MED12L: variants seen among roughly 807,000 people sequenced by gnomAD.
The protein encoded by MED12L is mediator of RNA polymerase II transcription subunit 12-like protein.
A neutral mutation model predicts 281.3 loss-of-function variants in MED12L; 60 were observed. The observed-to-expected ratio is 0.21, with a 90% CI of 0.17 to 0.26. The LOEUF is 0.26. Among genes scored for constraint, MED12L ranks in the 10% least tolerant of loss-of-function variants. MED12L has a pLI of 1.00. For missense variants in MED12L, 2,146 were observed against 2,680.9 expected (o/e 0.80, Z 4.41); for synonymous variants, 974 against 987.2 (o/e 0.99, Z 0.25).
Position 151,383,771 on chromosome 3 carries a change from T to C in MED12L, c.4681-8T>C. Reference sequence around the variant, plus strand: ...AATGCAAATATCTTACTGTATTTTGTCTGCTAGGTAGGAGGAATGTTTGAC... The same window carrying C: ...AATGCAAATATCTTACTGTATTTTGCCTGCTAGGTAGGAGGAATGTTTGAC... On this transcript the variant is annotated splice_polypyrimidine_tract_variant and splice_region_variant and intron_variant, in intron 33 of 44. Transcript: ENST00000687756. 1 of 1,589,956 alleles carries C rather than the reference T, an allele frequency of 6.3e-7. No homozygotes were observed. Among genetic ancestry groups the C allele is most frequent in the Non-Finnish European group, 8.6e-7 (1 of 1,161,464 alleles).
At chr3:151,380,271 C>T (rs1304519737) in intron 32 of MED12L, 47 bp downstream of exon 32, 2 of 1,283,598 alleles carry the variant, frequency 1.6e-6, no homozygotes, top group Middle Eastern at 1.8e-4. Flanking sequence ...TTTCTAACGG[C>T]ATTCATTTAT....
intron 16 of MED12L, among the ~76,000 whole-genome samples, chr3:151,243,082 A>C (rs1266563298): frequency 1.3e-5 from 2 of 151,140 alleles, no homozygotes; most frequent in African/African-American, 4.9e-5. Context: ...AATAAAAAGA[A>C]ATGAGCAAAG....
At chr3:151,121,476 C>G (rs1258990813) in intron 3 of MED12L, among the ~76,000 whole-genome samples, 1 of 152,170 alleles carries the variant, frequency 6.6e-6, no homozygotes, top group African/African-American at 2.4e-5. Flanking sequence ...GTGTTTCAAC[C>G]TATAGACTAA....
intron 16 of MED12L, among the ~76,000 whole-genome samples, chr3:151,267,586 A>AT (rs1465945046): frequency 6.6e-6 from 1 of 152,172 alleles, no homozygotes; most frequent in Non-Finnish European, 1.5e-5. Context: ...AATTTAAAAC[A>AT]TTTTTTTAAA....
chr3:151,237,728 C>T (rs1733204770), intron 16 of MED12L, among the ~76,000 whole-genome samples: 1 of 152,100 alleles, frequency 6.6e-6, no homozygotes, highest in African/African-American at 2.4e-5. Flanking sequence ...GATATCAGTC[C>T]TCTCTGACGT....
At chr3:151,164,398 T>C (rs1474731240) in intron 9 of MED12L, among the ~76,000 whole-genome samples, 1 of 152,176 alleles carries the variant, frequency 6.6e-6, no homozygotes, top group Admixed American at 6.5e-5. Flanking sequence ...CAAAGCCTTA[T>C]GTGACTTGAA....
chr3:151,194,053 C>T lies in MED12L; in HGVS notation c.2250+387C>T, dbSNP rs549964958. Reference sequence around the variant, plus strand: ...CGATCTTGACTCACCACAACCTCTGCCTCCCAGGTTCAAGTGATTCTTTTG... The same window carrying T: ...CGATCTTGACTCACCACAACCTCTGTCTCCCAGGTTCAAGTGATTCTTTTG... On this transcript the variant is annotated intron_variant, in intron 16 of 44. Coordinates refer to ENST00000687756, the MANE Select transcript of MED12L (RefSeq NM_001393769.1). 1.0e-4 allele frequency among the ~76,000 whole-genome samples: 15 copies of T among 149,236 alleles called. No individual in the cohort carries two copies. The South Asian group carries it at 3.2e-3, about 32-fold the overall frequency.
intron 16 of MED12L, 53 bp downstream of exon 16, chr3:151,193,719 A>T (rs772151447): frequency 6.9e-7 from 1 of 1,443,970 alleles, no homozygotes; most frequent in South Asian, 1.2e-5. Flanking sequence ...TATAAGATCA[A>T]TAACTGTTGA....
chr3:151,182,871 T>C (rs553630359), intron 11 of MED12L, among the ~76,000 whole-genome samples: 3 of 152,050 alleles, frequency 2.0e-5, no homozygotes, highest in East Asian at 3.9e-4. Context: ...GAGGCATGGG[T>C]TTAGCTTGCC....
At chr3:151,300,088 A>G (rs751488813) in intron 16 of MED12L, 2 of 1,608,406 alleles carry the variant, frequency 1.2e-6, no homozygotes, top group South Asian at 2.2e-5. Context: ...GCAAGCGTCA[A>G]GTTGAACCCC....
intron 16 of MED12L, among the ~76,000 whole-genome samples, chr3:151,256,271 G>C (rs891478495): frequency 6.6e-6 from 1 of 152,154 alleles, no homozygotes; most frequent in Admixed American, 6.6e-5. Flanking sequence ...CAGTACCCTG[G>C]TAAACTCAAA....
At chr3:151,115,274 A>G (rs1445622642) in intron 2 of MED12L, among the ~76,000 whole-genome samples, 1 of 147,478 alleles carries the variant, frequency 6.8e-6, no homozygotes, top group Non-Finnish European at 1.5e-5. Flanking sequence ...AGGTGTGTGC[A>G]TAGGGGTTGG....
intron 16 of MED12L, among the ~76,000 whole-genome samples, chr3:151,283,689 A>G (rs1743104523): frequency 6.6e-6 from 1 of 152,194 alleles, no homozygotes; most frequent in Admixed American, 6.5e-5. Context: ...AGTATTTGTT[A>G]ATTGAATATC....
In MED12L at chr3:151,127,966, G is replaced by A. The variant is rs770191959; in HGVS notation, c.538G>A (p.Ala180Thr). Residue 180 changes from alanine to threonine, a missense_variant, in exon 5 of 45, where the codon GCT becomes ACT. Coordinates refer to ENST00000687756, the MANE Select transcript of MED12L (RefSeq NM_001393769.1). ...TGAAGCTAAAATTAAGAAACGTCAG[G>A]CTCCTGATCCGAATTTGGGTAAGTG... is the stretch of plus-strand genomic sequence containing the variant. ...ISEAKIKKRQ[A>T]PDPNLEWTQI... 12 of 1,610,914 alleles carry A rather than the reference G, an allele frequency of 7.4e-6. No homozygotes were observed. The highest frequency in any genetic ancestry group is 1.3e-5 in the African/African-American group (1 of 74,586).
intron 16 of MED12L, among the ~76,000 whole-genome samples, chr3:151,287,368 G>A (rs567918046): frequency 2.0e-5 from 3 of 152,294 alleles, no homozygotes; most frequent in African/African-American, 2.4e-5. Context: ...TGGGTACCAG[G>A]CCAGGCAGGG....
At chr3:151,398,288 C>G (rs919665042) in intron 39 of MED12L, among the ~76,000 whole-genome samples, 2 of 152,170 alleles carry the variant, frequency 1.3e-5, no homozygotes, top group African/African-American at 2.4e-5. Flanking sequence ...ACATAAATTC[C>G]TGAACTCAGG....
intron 3 of MED12L, among the ~76,000 whole-genome samples, chr3:151,119,477 C>G (rs984521733): frequency 6.6e-6 from 1 of 152,120 alleles, no homozygotes; most frequent in Non-Finnish European, 1.5e-5. Context: ...TGTGTTCCTC[C>G]GTGGTGTCTC....
intron 16 of MED12L, among the ~76,000 whole-genome samples, chr3:151,349,274 C>G (rs1369096457): frequency 6.6e-6 from 1 of 152,132 alleles, no homozygotes; most frequent in Non-Finnish European, 1.5e-5. Context: ...TGCTTGGATT[C>G]ACTGTGCCTA....
intron 16 of MED12L, among the ~76,000 whole-genome samples, chr3:151,302,359 G>A (rs1018629812): frequency 6.6e-6 from 1 of 152,218 alleles, no homozygotes; most frequent in African/African-American, 2.4e-5. Flanking sequence ...ATCACGGAAT[G>A]TGAAAGTCAG....
Sources: allele counts gnomAD v4.1 joint callset (sites outside exome capture counted in the v4.1 genomes callset), GRCh38; gene constraint gnomAD v4.1.1; transcripts MANE v1.5; gene names NCBI Gene and HGNC (gene_info 2026-07-23, HGNC 2026-07-21).